TENT4B: variants seen among roughly 807,000 people sequenced by gnomAD.
TENT4B encodes terminal nucleotidyltransferase 4B, also known as PAP associated domain containing 5.
In TENT4B, 10 loss-of-function variants were observed where a neutral mutation model predicts 75.0. The ratio of observed to expected loss-of-function variants is 0.13; its 90% confidence interval spans 0.08 to 0.23. The LOEUF (loss-of-function observed/expected upper bound fraction) is 0.23. Among genes scored for constraint, TENT4B ranks in the 10% least tolerant of loss-of-function variants. The probability of loss-of-function intolerance (pLI) is 1.00; values close to 1 mark genes in which losing one functional copy is unlikely to be tolerated. For synonymous variants in TENT4B, 350 were observed against 357.7 expected (o/e 0.98, Z 0.24); for missense variants, 579 against 893.8 (o/e 0.65, Z 4.49).
chr16:50,217,777 TTAAATAGAG>T, intron 5 of TENT4B, 114 bp downstream of exon 5: 12 of 636,214 alleles, frequency 1.9e-5, no homozygotes, highest in African/African-American at 3.8e-5. Flanking sequence ...TCTCTCTCTT[TTAAATAGAG>T]CTAGGGTCTC....
chr16:50,194,275 G>A (rs1308242876), intron 1 of TENT4B, among the ~76,000 whole-genome samples: 4 of 149,246 alleles, frequency 2.7e-5, no homozygotes, highest in Non-Finnish European at 5.9e-5. Flanking sequence ...GAGTGCAATG[G>A]TGCAATCTCA....
intron 11 of TENT4B, among the ~76,000 whole-genome samples, chr16:50,228,730 A>T (rs1341849486): frequency 1.3e-5 from 2 of 152,242 alleles, no homozygotes; most frequent in Non-Finnish European, 2.9e-5. Flanking sequence ...GGTTGACAGA[A>T]GGGACTGAGG....
In TENT4B at chr16:50,214,283, A is replaced by G; in HGVS notation, c.809+16A>G. 1.3e-6 allele frequency: 2 copies of G among 1,563,504 alleles called. No individual in the cohort carries two copies. The highest frequency in any genetic ancestry group is 1.8e-6 in the Non-Finnish European group (2 of 1,141,402). On this transcript the variant is annotated intron_variant, in intron 3 of 11. Transcript: ENST00000561678. Reference sequence around the variant, plus strand: ...TACCTACTAGGTTAGTACACTCATGAATCTTTCAAAGGACTTTTCTTAGAG... The same window carrying G: ...TACCTACTAGGTTAGTACACTCATGGATCTTTCAAAGGACTTTTCTTAGAG...
chr16:50,210,413 G>C (rs757042203), intron 1 of TENT4B, among the ~76,000 whole-genome samples: 1 of 152,198 alleles, frequency 6.6e-6, no homozygotes, highest in East Asian at 1.9e-4. Context: ...ATAGTCAGGC[G>C]CTGCGCCTAT....
At chr16:50,226,833 AT>A (rs1193773065) in intron 10 of TENT4B, among the ~76,000 whole-genome samples, 1 of 152,206 alleles carries the variant, frequency 6.6e-6, no homozygotes, top group Non-Finnish European at 1.5e-5. Context: ...ATTCTAGAAC[AT>A]TTCCATCACC....
At chr16:50,165,486 GGTT>G in intron 1 of TENT4B, among the ~76,000 whole-genome samples, 1 of 79,686 alleles carries the variant, frequency 1.3e-5, no homozygotes, top group South Asian at 5.1e-4. Context: ...ACAGTTCAGT[GGTT>G]TTCATATATT....
At position 50,154,194 on chromosome 16, in the gene TENT4B, C is replaced by T; in HGVS notation, c.573C>T (p.Asp191=). 6.7e-7 allele frequency: 1 copy of T among 1,503,232 alleles called. No homozygotes were observed. Among genetic ancestry groups the T allele is most frequent in the Non-Finnish European group, 8.8e-7 (1 of 1,133,708 alleles). The allele number at this position is 1,503,232 out of a possible 1,614,324, so 93.1% of individuals were successfully genotyped here. ...GGRAAGGGRA[D]GGGVVYSGTP... ...GGGCCGCGGGGGGCGGCCGAGCAGA[C>T]GGCGGCGGGGTCGTGTACAGCGGGA... Residue 191 remains aspartate (D), a synonymous_variant, in exon 1 of 12, where the codon GAC becomes GAT. Transcript: ENST00000561678.
intron 1 of TENT4B, among the ~76,000 whole-genome samples, chr16:50,188,737 A>G (rs948066639): frequency 6.6e-6 from 1 of 152,162 alleles, no homozygotes; most frequent in African/African-American, 2.4e-5. Flanking sequence ...CTGTATTCCC[A>G]GCTACTAGGG....
intron 1 of TENT4B, among the ~76,000 whole-genome samples, chr16:50,206,103 T>C (rs1398761845): frequency 6.6e-6 from 1 of 152,204 alleles, no homozygotes; most frequent in Non-Finnish European, 1.5e-5. Flanking sequence ...CTAAATTTTT[T>C]AGTATCCTAA....
intron 5 of TENT4B, 52 bp downstream of exon 5, chr16:50,217,715 G>C: frequency 9.0e-7 from 1 of 1,112,560 alleles, no homozygotes; most frequent in East Asian, 2.8e-5. Context: ...GTAATTTTAA[G>C]ATTCTGTTGT....
intron 7 of TENT4B, 68 bp from the exon 8 acceptor site, chr16:50,224,589 G>C: frequency 6.3e-7 from 1 of 1,588,840 alleles, no homozygotes; most frequent in South Asian, 1.1e-5. Flanking sequence ...TCCTGGAAGA[G>C]AGTCATCAAC....
intron 1 of TENT4B, among the ~76,000 whole-genome samples, chr16:50,183,012 C>A (rs1266362352): frequency 6.9e-6 from 1 of 145,592 alleles, no homozygotes; most frequent in Non-Finnish European, 1.5e-5. Context: ...CAGCACCACA[C>A]CCGGCTTTCT....
chr16:50,214,098 T>C, intron 2 of TENT4B, 123 bp from the exon 3 acceptor site: 1 of 702,882 alleles, frequency 1.4e-6, no homozygotes, highest in East Asian at 2.9e-5. Context: ...AAAAATGCTC[T>C]TGTCATACCA....
At chr16:50,176,245 C>T (rs751863660) in intron 1 of TENT4B, among the ~76,000 whole-genome samples, 14 of 151,894 alleles carry the variant, frequency 9.2e-5, no homozygotes, top group Admixed American at 6.6e-4. Flanking sequence ...CATGACCACA[C>T]CCAGCTAAGT....
upstream of TENT4B, among the ~76,000 whole-genome samples, chr16:50,153,183 T>TGGGGGGGGGGG (rs760198722): frequency 9.5e-5 from 2 of 21,122 alleles, no homozygotes; most frequent in Admixed American, 4.3e-4. Flanking sequence ...GGCGGGGCGG[T>TGGGGGGGGGGG]GGGGGGGGGG....
chr16:50,201,010 C>G (rs530191276), intron 1 of TENT4B, among the ~76,000 whole-genome samples: 1 of 151,958 alleles, frequency 6.6e-6, no homozygotes, highest in Non-Finnish European at 1.5e-5. Context: ...CCATGTTACC[C>G]AGGTGGTCTT....
chr16:50,234,703 AAG>A lies in TENT4B; in HGVS notation c.*5378_*5379del. 2 of 985,466 alleles carry A rather than the reference AAG, an allele frequency of 2.0e-6. No homozygotes were observed. The highest frequency in any genetic ancestry group is 2.4e-6 in the Non-Finnish European group (2 of 829,934). The allele number at this position is 985,466 out of a possible 1,614,324, so 61.0% of individuals were successfully genotyped here. The stretch of plus-strand genomic sequence containing the variant: ...CACAAGCTTGTTTGTTAGACGTGTC[AAG>A]AGTCTCCAGTCTTTACTACTAAAAA... On this transcript the variant is annotated 3_prime_UTR_variant, in exon 12 of 12. Transcript: ENST00000561678.
intron 1 of TENT4B, among the ~76,000 whole-genome samples, chr16:50,200,513 G>A (rs1337081790): frequency 6.6e-6 from 1 of 152,172 alleles, no homozygotes. Context: ...CAATGAATGA[G>A]AGTCTGTTGT....
chr16:50,233,137 T>C lies in TENT4B; in HGVS notation c.*3809T>C, dbSNP rs1415146812. On this transcript the variant is annotated 3_prime_UTR_variant, in exon 12 of 12. Transcript: ENST00000561678. ...TGAATATAAAAGTTATATTTAGTAG[T>C]TACTGTTGATAGTAATTTTCATCAG... The C allele has an allele frequency of 1.0e-6, 1 of 982,364 alleles. No individual in the cohort carries two copies. The highest frequency in any genetic ancestry group is 1.2e-6 in the Non-Finnish European group (1 of 827,262). The allele number at this position is 982,364 out of a possible 1,614,324, so 60.9% of individuals were successfully genotyped here. A position where few individuals can be genotyped will look rare whatever the true frequency, so the allele number is the denominator to read the frequency against.
Sources: allele counts gnomAD v4.1 joint callset (sites outside exome capture counted in the v4.1 genomes callset), GRCh38; gene constraint gnomAD v4.1.1; transcripts MANE v1.5; gene names NCBI Gene and HGNC (gene_info 2026-07-23, HGNC 2026-07-21).